MAPRE1: variants seen among roughly 807,000 people sequenced by gnomAD.
The protein encoded by MAPRE1 is microtubule associated protein RP/EB family member 1.
Under a neutral mutation model 32.1 loss-of-function variants are expected in MAPRE1, and 5 were observed. That is an observed-to-expected ratio of 0.16 (90% CI 0.08 to 0.33). The LOEUF is 0.33. MAPRE1 is among the 10% of genes least tolerant of loss of function. The probability of loss-of-function intolerance (pLI) is 1.00; values close to 1 mark genes in which losing one functional copy is unlikely to be tolerated. For synonymous variants in MAPRE1, 122 were observed against 118.9 expected (o/e 1.03, Z -0.17); for missense variants, 209 against 327.2 (o/e 0.64, Z 2.79).
intron 2 of MAPRE1, among the ~76,000 whole-genome samples, chr20:32,828,576 G>C (rs1286210598): frequency 6.6e-6 from 1 of 152,202 alleles, no homozygotes; most frequent in East Asian, 1.9e-4. Context: ...TTCTTCATCT[G>C]TGAACTGGGG....
At chr20:32,825,794 T>C in intron 1 of MAPRE1, 131 bp from the exon 2 acceptor site, 1 of 580,898 alleles carries the variant, frequency 1.7e-6, no homozygotes. Context: ...TGTCTCAAAA[T>C]AAAATAAAAT....
intron 1 of MAPRE1, among the ~76,000 whole-genome samples, chr20:32,820,360 C>A (rs537228146): frequency 5.5e-5 from 8 of 145,690 alleles, no homozygotes; most frequent in Admixed American, 2.0e-4. Flanking sequence ...AGGGTGTGGG[C>A]GAGGTGGGCC....
chr20:32,837,118 A>G (rs190400610), intron 4 of MAPRE1, among the ~76,000 whole-genome samples: 2 of 152,346 alleles, frequency 1.3e-5, no homozygotes, highest in East Asian at 3.9e-4. Context: ...TGAAACTTGA[A>G]CAAGTTACTG....
At chr20:32,820,376 G>A (rs1166023085) in intron 1 of MAPRE1, among the ~76,000 whole-genome samples, 2 of 150,626 alleles carry the variant, frequency 1.3e-5, no homozygotes, top group Non-Finnish European at 3.0e-5. Context: ...GGGCCGTCCT[G>A]GGAGCTCTGG....
chr20:32,847,629 A>AAG (rs1983538943), intron 6 of MAPRE1, among the ~76,000 whole-genome samples: 1 of 152,268 alleles, frequency 6.6e-6, no homozygotes, highest in African/African-American at 2.4e-5. Context: ...AATGAAAAAA[A>AAG]GACAACGAAG....
chr20:32,837,187 A>G (rs1983225293), intron 4 of MAPRE1, among the ~76,000 whole-genome samples: 1 of 152,242 alleles, frequency 6.6e-6, no homozygotes, highest in South Asian at 2.1e-4. Context: ...AGAGAGCATT[A>G]GTTTGTTCCA....
At chr20:32,841,897 TACC>T (rs1298194004) in intron 5 of MAPRE1, among the ~76,000 whole-genome samples, 2 of 152,094 alleles carry the variant, frequency 1.3e-5, no homozygotes, top group Non-Finnish European at 2.9e-5. Flanking sequence ...TTGTTGCCAA[TACC>T]ACTGGGATAA....
At chr20:32,824,418 T>C (rs960373541) in intron 1 of MAPRE1, among the ~76,000 whole-genome samples, 7 of 152,222 alleles carry the variant, frequency 4.6e-5, no homozygotes, top group African/African-American at 1.4e-4. Flanking sequence ...TGGGCAGGCT[T>C]GCCTGCCAAC....
intron 1 of MAPRE1, among the ~76,000 whole-genome samples, chr20:32,823,469 T>TC (rs2146119926): frequency 1.3e-5 from 2 of 152,356 alleles, no homozygotes; most frequent in East Asian, 3.9e-4. Context: ...TCATAGTGTG[T>TC]CCTCATGGTG....
At chr20:32,834,428 A>G (rs1409910242) in intron 3 of MAPRE1, among the ~76,000 whole-genome samples, 2 of 152,220 alleles carry the variant, frequency 1.3e-5, no homozygotes, top group Non-Finnish European at 2.9e-5. Context: ...GTTTAGCACA[A>G]ACATTTAATG....
intron 1 of MAPRE1, among the ~76,000 whole-genome samples, chr20:32,821,628 C>G (rs1601157119): frequency 6.6e-6 from 1 of 152,272 alleles, no homozygotes; most frequent in East Asian, 1.9e-4. Flanking sequence ...ACTGTTTTAC[C>G]CATTTTACAG....
At chr20:32,828,711 T>C (rs1450087000) in intron 2 of MAPRE1, among the ~76,000 whole-genome samples, 1 of 152,136 alleles carries the variant, frequency 6.6e-6, no homozygotes, top group African/African-American at 2.4e-5. Flanking sequence ...ACATCCTCCT[T>C]TTACAGATGA....
intron 1 of MAPRE1, among the ~76,000 whole-genome samples, chr20:32,824,978 C>T (rs1982800713): frequency 6.6e-6 from 1 of 151,624 alleles, no homozygotes; most frequent in South Asian, 2.1e-4. Context: ...ATGCTGAAAT[C>T]CTGTCTCTAC....
In MAPRE1 at chr20:32,844,077, C is replaced by T. The variant is rs8117474; in HGVS notation, c.598-2541C>T. Among the ~76,000 whole-genome samples, 1,477 of 152,256 alleles carry T rather than the reference C, an allele frequency of 9.7e-3. 14 individuals carry two copies. The highest frequency in any genetic ancestry group is 0.017 in the Non-Finnish European group (1,185 of 68,012). ...CCATGTTGGCCAGGCCGGTCTCGAA[C>T]TCCTGACCTCAGGTGATCTGGCCGT... On this transcript the variant is annotated intron_variant, in intron 5 of 6. Transcript: ENST00000375571.
intron 2 of MAPRE1, among the ~76,000 whole-genome samples, chr20:32,828,069 A>G (rs868315660): frequency 1.3e-4 from 20 of 151,966 alleles, no homozygotes; most frequent in African/African-American, 4.8e-4. Flanking sequence ...ACGGATGGTC[A>G]GATGGAGGCT....
intron 5 of MAPRE1, among the ~76,000 whole-genome samples, chr20:32,845,998 GT>G (rs1394045792): frequency 6.6e-6 from 1 of 152,192 alleles, no homozygotes; most frequent in Non-Finnish European, 1.5e-5. Flanking sequence ...TGTCATAGAT[GT>G]GAATACAGTA....
In MAPRE1 at chr20:32,831,859, A is replaced by G. The variant is rs527357404; in HGVS notation, c.122-1858A>G. Among the ~76,000 whole-genome samples the G allele has an allele frequency of 2.6e-5, 4 of 151,782 alleles. No homozygotes were observed. In the South Asian group the frequency reaches 8.3e-4, roughly 32 times the overall value. ...CAATTTTTCTTTTTTTTAATTGTGT[A>G]AAATAGTACTGGGTAAAATACCACT... On this transcript the variant is annotated intron_variant, in intron 2 of 6. Transcript: ENST00000375571.
Position 32,834,099 on chromosome 20 carries a change from C to T in MAPRE1, c.267+237C>T, listed in dbSNP as rs1018452599. Among the ~76,000 whole-genome samples the T allele has an allele frequency of 9.9e-5, 15 of 152,202 alleles. 1 individual carries two copies. The highest frequency in any genetic ancestry group is 2.1e-4 in the Non-Finnish European group (14 of 67,994). Reference sequence around the variant, plus strand: ...GTTAGTAACTGTTTAGAGGAGTCAGCCTGTAAATTTGTACAGTGATTTTTA... The same window carrying T: ...GTTAGTAACTGTTTAGAGGAGTCAGTCTGTAAATTTGTACAGTGATTTTTA... On this transcript the variant is annotated intron_variant, in intron 3 of 6. Coordinates refer to ENST00000375571, the MANE Select transcript of MAPRE1 (RefSeq NM_012325.3).
intron 3 of MAPRE1, among the ~76,000 whole-genome samples, chr20:32,836,359 T>A (rs1028486291): frequency 1.3e-5 from 2 of 152,224 alleles, no homozygotes; most frequent in African/African-American, 4.8e-5. Flanking sequence ...TGTGCTTGGA[T>A]GGATGTGTGT....
Sources: gnomAD v4.1 joint callset for allele counts (sites outside exome capture counted in the v4.1 genomes callset) on GRCh38, gnomAD v4.1.1 for gene constraint, MANE v1.5 for transcripts, NCBI Gene and HGNC (gene_info 2026-07-23, HGNC 2026-07-21) for gene names.